SPAG17: variants seen among roughly 807,000 people sequenced by gnomAD.
SPAG17 encodes the protein sperm-associated antigen 17.
Under a neutral mutation model 273.6 loss-of-function variants are expected in SPAG17, and 169 were observed. The ratio of observed to expected loss-of-function variants is 0.62; its 90% confidence interval spans 0.55 to 0.70. SPAG17 has a LOEUF of 0.70. Ranked by LOEUF, SPAG17 falls within the 30% of genes least tolerant of loss-of-function variation. SPAG17 has a pLI of 0.00. For synonymous variants in SPAG17, 825 were observed against 873.2 expected, an observed-to-expected ratio of 0.94 and a Z score of 0.97; for missense variants, 2,557 against 2,627.8, an observed-to-expected ratio of 0.97 and a Z score of 0.59.
intron 20 of SPAG17, among the ~76,000 whole-genome samples, chr1:118,051,139 A>G (rs947127577): frequency 6.6e-6 from 1 of 152,178 alleles, no homozygotes; most frequent in Non-Finnish European, 1.5e-5. Context: ...TTCATGAAAA[A>G]AAATGCCTGG....
In SPAG17 at chr1:117,996,928, C is replaced by T. The variant is rs566024010; in HGVS notation, c.4777-185G>A. 2.0e-5 allele frequency among the ~76,000 whole-genome samples: 3 copies of T among 152,164 alleles called. No homozygotes were observed. The South Asian group carries it at 6.2e-4, about 32-fold the overall frequency. On this transcript the variant is annotated intron_variant, in intron 32 of 48. Coordinates refer to ENST00000336338, the MANE Select transcript of SPAG17 (RefSeq NM_206996.4). ...TAAAAGTAAAAACCTAGCAGCATAA[C>T]TCTACTTATAAATGACACCTAGAAC...
intron 43 of SPAG17, among the ~76,000 whole-genome samples, chr1:117,974,002 C>CT (rs1381539009): frequency 1.3e-5 from 2 of 152,142 alleles, no homozygotes; most frequent in African/African-American, 4.8e-5. Context: ...TGATTTCATT[C>CT]TTTTTTATGG....
At chr1:117,998,492 C>T (rs913662043) in intron 32 of SPAG17, among the ~76,000 whole-genome samples, 4 of 152,052 alleles carry the variant, frequency 2.6e-5, no homozygotes, top group Non-Finnish European at 5.9e-5. Flanking sequence ...TAATGTGATG[C>T]CTCAACCTTT....
chr1:118,052,296 G>A (rs1483077102), intron 20 of SPAG17, among the ~76,000 whole-genome samples: 2 of 151,356 alleles, frequency 1.3e-5, no homozygotes, highest in Admixed American at 6.6e-5. Context: ...AATAAGCCAG[G>A]GACAGAAACA....
At chr1:117,989,684 T>C (rs999384907) in intron 38 of SPAG17, among the ~76,000 whole-genome samples, 7 of 152,096 alleles carry the variant, frequency 4.6e-5, no homozygotes, top group Non-Finnish European at 8.8e-5. Context: ...AAAGCTATCC[T>C]CCCACCTCAG....
intron 15 of SPAG17, among the ~76,000 whole-genome samples, chr1:118,078,589 C>G (rs1654292160): frequency 6.6e-6 from 1 of 152,026 alleles, no homozygotes; most frequent in South Asian, 2.1e-4. Flanking sequence ...GAGAAAAAGT[C>G]TTGCTTGTTG....
At chr1:118,049,619 A>C (rs1571341716) in intron 20 of SPAG17, among the ~76,000 whole-genome samples, 1 of 152,266 alleles carries the variant, frequency 6.6e-6, no homozygotes, top group Non-Finnish European at 1.5e-5. Flanking sequence ...CTACAGATTC[A>C]ATACAATCCC....
intron 18 of SPAG17, among the ~76,000 whole-genome samples, chr1:118,058,482 T>G (rs1651939837): frequency 6.6e-6 from 1 of 152,154 alleles, no homozygotes; most frequent in Non-Finnish European, 1.5e-5. Flanking sequence ...GCTGGGAATA[T>G]AGGCATGAGC....
intron 10 of SPAG17, among the ~76,000 whole-genome samples, chr1:118,088,219 T>G (rs547992792): frequency 6.6e-5 from 10 of 152,230 alleles, no homozygotes; most frequent in Admixed American, 3.9e-4. Context: ...ATATTTCAGT[T>G]TTTTCATCCC....
chr1:118,116,706 G>A (rs919294112), intron 3 of SPAG17, among the ~76,000 whole-genome samples: 1 of 152,160 alleles, frequency 6.6e-6, no homozygotes, highest in African/African-American at 2.4e-5. Context: ...ATCACATTGG[G>A]GTTCCCGCAT....
chr1:118,094,179 C>T (rs902363757), intron 7 of SPAG17, among the ~76,000 whole-genome samples: 2 of 152,190 alleles, frequency 1.3e-5, no homozygotes, highest in African/African-American at 4.8e-5. Context: ...AAGACCAAGG[C>T]TTCTTCAGTC....
chr1:117,974,882 C>T (rs191039181), intron 43 of SPAG17, among the ~76,000 whole-genome samples: 376 of 152,206 alleles, frequency 2.5e-3, no homozygotes, highest in African/African-American at 8.3e-3. Flanking sequence ...GTTTTTACAC[C>T]GGAATGAGGG....
intron 36 of SPAG17, 85 bp downstream of exon 36, chr1:117,992,381 C>T (rs1571172658): frequency 7.6e-7 from 1 of 1,320,704 alleles, no homozygotes; most frequent in East Asian, 2.5e-5. Flanking sequence ...GGTAGAATTA[C>T]ATAATTTCAG....
intron 1 of SPAG17, among the ~76,000 whole-genome samples, chr1:118,181,621 ATCATC>A (rs1660952319): frequency 1.3e-5 from 2 of 152,196 alleles, no homozygotes. Context: ...ACAGTGAGCT[ATCATC>A]TCATATCTGT....
In SPAG17 at chr1:117,983,907, G is replaced by A; in HGVS notation, c.5776C>T (p.His1926Tyr). 2 of 1,597,112 alleles carry A rather than the reference G, an allele frequency of 1.3e-6. No individual in the cohort carries two copies. Among genetic ancestry groups the A allele is most frequent in the Non-Finnish European group, 1.7e-6 (2 of 1,167,514 alleles). ...AGTTTTTTGGAAAGACTGTCCAGGT[G>A]ATTATACTGAAAGGAAAAAAAAACT... ...LNQLYQSQYNHLDSLSKKLPS... is the reference protein window; with the variant it reads ...LNQLYQSQYNYLDSLSKKLPS... Residue 1926 changes from histidine to tyrosine, a missense_variant, in exon 42 of 49, where the codon CAC (histidine) becomes TAC (tyrosine). Physicochemically the swap from His to Tyr is moderately conservative, Grantham distance 83 (BLOSUM62 2). Coordinates refer to ENST00000336338, the MANE Select transcript of SPAG17 (RefSeq NM_206996.4).
chr1:118,032,465 T>C (rs1648584726), intron 24 of SPAG17, among the ~76,000 whole-genome samples: 1 of 152,114 alleles, frequency 6.6e-6, no homozygotes, highest in Non-Finnish European at 1.5e-5. Context: ...ATCCTGTGTG[T>C]CATGAATTTT....
chr1:118,006,745 T>A (rs1299866890), intron 31 of SPAG17, among the ~76,000 whole-genome samples: 167 of 152,308 alleles, frequency 1.1e-3, no homozygotes, highest in Admixed American at 5.6e-3. Flanking sequence ...TTCTGAGGGT[T>A]CCAATTTCTC....
chr1:118,132,727 T>A (rs954701896), intron 3 of SPAG17, among the ~76,000 whole-genome samples: 12 of 152,342 alleles, frequency 7.9e-5, no homozygotes, highest in African/African-American at 2.9e-4. Context: ...GGCAGTGCCA[T>A]CCTTGCCTTG....
chr1:118,095,547 G>T (rs1423119099), intron 7 of SPAG17, among the ~76,000 whole-genome samples: 7 of 152,170 alleles, frequency 4.6e-5, no homozygotes, highest in Non-Finnish European at 8.8e-5. Flanking sequence ...TGGCCCAAAT[G>T]AGAGGAGCAG....
Sources: allele counts gnomAD v4.1 joint callset (sites outside exome capture counted in the v4.1 genomes callset), GRCh38; gene constraint gnomAD v4.1.1; transcripts MANE v1.5; gene names NCBI Gene and HGNC (gene_info 2026-07-23, HGNC 2026-07-21).